The following ENTHD1 variants were observed in gnomAD, a reference collection of about 807,000 sequenced individuals.
ENTHD1 encodes ENTH domain containing 1, also known as ENTH domain-containing protein 1.
In ENTHD1, 23 loss-of-function variants were observed where a neutral mutation model predicts 39.1. The observed-to-expected ratio is 0.59, with a 90% CI of 0.42 to 0.83. The LOEUF (loss-of-function observed/expected upper bound fraction) is 0.83. Ranked by LOEUF, ENTHD1 falls within the 40% of genes least tolerant of loss-of-function variation. ENTHD1 has a pLI of 0.00. For missense variants in ENTHD1, 624 were observed against 705.4 expected (o/e 0.88, Z 1.31); for synonymous variants, 230 against 258.2 (o/e 0.89, Z 1.05).
At chr22:39,804,478 A>G (rs2089178334) in intron 5 of ENTHD1, among the ~76,000 whole-genome samples, 1 of 150,794 alleles carries the variant, frequency 6.6e-6, no homozygotes, top group Admixed American at 6.6e-5. Context: ...AAAAAAATTG[A>G]TAATCCTGAG....
chr22:39,888,451 A>G (rs2066401415), intron 1 of ENTHD1, among the ~76,000 whole-genome samples: 1 of 150,990 alleles, frequency 6.6e-6, no homozygotes, highest in Non-Finnish European at 1.5e-5. Context: ...TTTTGGAGAT[A>G]GAGTCTCCCT....
intron 5 of ENTHD1, among the ~76,000 whole-genome samples, chr22:39,768,092 A>C (rs747213833): frequency 2.6e-5 from 4 of 152,238 alleles, no homozygotes; most frequent in Non-Finnish European, 4.4e-5. Context: ...AGAAAGCTAA[A>C]GAGTCTTGAA....
intron 5 of ENTHD1, among the ~76,000 whole-genome samples, chr22:39,776,970 CAG>C (rs939023827): frequency 7.9e-5 from 12 of 152,260 alleles, no homozygotes; most frequent in African/African-American, 2.9e-4. Flanking sequence ...TATATTCCAA[CAG>C]AGTTATTGCT....
At chr22:39,810,405 G>A (rs2065676246) in intron 5 of ENTHD1, among the ~76,000 whole-genome samples, 1 of 152,098 alleles carries the variant, frequency 6.6e-6, no homozygotes, top group Admixed American at 6.6e-5. Context: ...TATTTCCATG[G>A]TCTCAGAATG....
chr22:39,827,981 G>A (rs1794227087), intron 4 of ENTHD1, among the ~76,000 whole-genome samples: 1 of 152,104 alleles, frequency 6.6e-6, no homozygotes, highest in African/African-American at 2.4e-5. Context: ...AATATGTACT[G>A]ATATAGAAAA....
chr22:39,883,296 G>A (rs2066354655), intron 2 of ENTHD1, among the ~76,000 whole-genome samples: 2 of 151,744 alleles, frequency 1.3e-5, no homozygotes, highest in South Asian at 2.1e-4. Context: ...CTTTTTTGGT[G>A]CTAAGATCAA....
intron 5 of ENTHD1, among the ~76,000 whole-genome samples, chr22:39,806,523 T>C (rs751689581): frequency 2.6e-5 from 4 of 152,150 alleles, no homozygotes; most frequent in Admixed American, 6.6e-5. Context: ...CTGTATTCAA[T>C]TGAGGGGCAT....
At position 39,861,753 on chromosome 22, in the gene ENTHD1, C is replaced by G. The variant is rs916219884; in HGVS notation, c.592+12G>C. ...ACCTGTTGCATTTTAGGCCAATGTTCATTATACGTACTTTTATTATGTAAC... is the reference window on the plus strand; with the variant it reads ...ACCTGTTGCATTTTAGGCCAATGTTGATTATACGTACTTTTATTATGTAAC... On this transcript the variant is annotated intron_variant, in intron 3 of 6. Transcript: ENST00000325157. 1.2e-5 allele frequency: 18 copies of G among 1,483,628 alleles called. No homozygotes were observed. Among genetic ancestry groups the G allele is most frequent in the African/African-American group, 1.4e-5 (1 of 72,566 alleles). 91.9% of individuals were successfully genotyped at this position (1,483,628 alleles called of 1,614,324 possible). A position where few individuals can be genotyped will look rare whatever the true frequency, so the allele number is the denominator to read the frequency against.
chr22:39,794,396 C>T (rs926216523), intron 5 of ENTHD1, among the ~76,000 whole-genome samples: 4 of 152,186 alleles, frequency 2.6e-5, no homozygotes, highest in Non-Finnish European at 5.9e-5. Context: ...ATCATGTCAT[C>T]TGCAAAGACA....
At chr22:39,786,438 G>C (rs145640170) in intron 5 of ENTHD1, among the ~76,000 whole-genome samples, 3 of 151,960 alleles carry the variant, frequency 2.0e-5, no homozygotes, top group Admixed American at 6.6e-5. Context: ...TTACTTTCAA[G>C]TGCAGAGTGG....
intron 3 of ENTHD1, among the ~76,000 whole-genome samples, chr22:39,840,118 G>A (rs2065933022): frequency 6.6e-6 from 1 of 152,168 alleles, no homozygotes; most frequent in African/African-American, 2.4e-5. Context: ...GTTCCTTATA[G>A]TTCCTTAGTG....
chr22:39,892,099 C>T (rs2066431771), intron 1 of ENTHD1, among the ~76,000 whole-genome samples: 1 of 152,124 alleles, frequency 6.6e-6, no homozygotes, highest in African/African-American at 2.4e-5. Flanking sequence ...TCTTGAGTAC[C>T]TACCATTTGT....
intron 5 of ENTHD1, among the ~76,000 whole-genome samples, chr22:39,774,604 A>T (rs1279918030): frequency 6.6e-6 from 1 of 152,200 alleles, no homozygotes; most frequent in African/African-American, 2.4e-5. Context: ...CAGCCCAGCC[A>T]GAGTGACCTT....
intron 5 of ENTHD1, among the ~76,000 whole-genome samples, chr22:39,811,017 G>A (rs1054009648): frequency 1.3e-5 from 2 of 152,178 alleles, no homozygotes; most frequent in Non-Finnish European, 2.9e-5. Context: ...GTGCTAAGTG[G>A]ACTTATGCAA....
chr22:39,872,876 G>A (rs1021687223), intron 2 of ENTHD1, among the ~76,000 whole-genome samples: 2 of 150,742 alleles, frequency 1.3e-5, no homozygotes, highest in Non-Finnish European at 3.0e-5. Flanking sequence ...TAGAGACAGG[G>A]TAGAGTGCAG....
chr22:39,873,401 TA>T (rs1663574531), intron 2 of ENTHD1, among the ~76,000 whole-genome samples: 1 of 152,216 alleles, frequency 6.6e-6, no homozygotes, highest in Non-Finnish European at 1.5e-5. Context: ...ATTTTTCAGA[TA>T]ATTTTAATTA....
chr22:39,785,927 A>C (rs956157186), intron 5 of ENTHD1, among the ~76,000 whole-genome samples: 2 of 152,138 alleles, frequency 1.3e-5, no homozygotes, highest in Non-Finnish European at 1.5e-5. Context: ...GCTCGTCTCA[A>C]GTACTTTTGT....
At chr22:39,750,520 G>C (rs2065139705) in intron 6 of ENTHD1, 1 of 153,574 alleles carries the variant, frequency 6.5e-6, no homozygotes, top group Non-Finnish European at 1.5e-5. Context: ...AAAAATAGGT[G>C]CCCTTGAAGA....
intron 1 of ENTHD1, chr22:39,893,306 G>A (rs1042631004): frequency 1.3e-5 from 2 of 152,198 alleles, no homozygotes; most frequent in South Asian, 2.1e-4. Context: ...GGTGGAGGCT[G>A]AGCAAGAATC....
Sources: gnomAD v4.1 joint callset for allele counts (sites outside exome capture counted in the v4.1 genomes callset) on GRCh38, gnomAD v4.1.1 for gene constraint, MANE v1.5 for transcripts, NCBI Gene and HGNC (gene_info 2026-07-23, HGNC 2026-07-21) for gene names.